PIN4: variants seen among roughly 807,000 people sequenced by gnomAD.
PIN4 encodes peptidylprolyl cis/trans isomerase, NIMA-interacting 4, also known as peptidyl-prolyl cis-trans isomerase NIMA-interacting 4.
PIN4 carries 3 observed loss-of-function variants against 8.3 expected under a neutral mutation model. The observed-to-expected ratio is 0.36, with a 90% CI of 0.16 to 0.93. PIN4 has a LOEUF of 0.93. Ranked by LOEUF, PIN4 falls within the 40% of genes least tolerant of loss-of-function variation. The pLI is 0.44. For missense variants in PIN4, 75 were observed against 100.6 expected (o/e 0.75, Z 1.09); for synonymous variants, 18 against 32.5 (o/e 0.55, Z 1.52).
intron 2 of PIN4, among the ~76,000 whole-genome samples, chrX:72,187,502 A>C (rs1489508869): frequency 8.9e-6 from 1 of 111,904 alleles, no homozygotes; most frequent in Non-Finnish European, 1.9e-5. Flanking sequence ...TTATTTAATA[A>C]AAAAGTAAGA....
chrX:72,208,458 G>C (rs1401958662), intron 3 of PIN4: 2 of 1,209,830 alleles, frequency 1.7e-6, no homozygotes, highest in African/African-American at 1.7e-5. Context: ...GGAAAGCTAT[G>C]CCTTCCTTCT....
At chrX:72,242,237 G>C (rs1228477503) in intron 3 of PIN4, among the ~76,000 whole-genome samples, 1 of 112,493 alleles carries the variant, frequency 8.9e-6, no homozygotes, top group Non-Finnish European at 1.9e-5. Context: ...TAAAGGCCCT[G>C]ATCACCGGGA....
At chrX:72,236,723 C>T (rs1453593001) in intron 3 of PIN4, among the ~76,000 whole-genome samples, 1 of 112,148 alleles carries the variant, frequency 8.9e-6, no homozygotes, top group Non-Finnish European at 1.9e-5. Context: ...CAAAATGACA[C>T]ACAGCAGGCC....
chrX:72,252,243 G>A (rs944810971), intron 3 of PIN4, among the ~76,000 whole-genome samples: 1 of 110,989 alleles, frequency 9.0e-6, no homozygotes, highest in African/African-American at 3.3e-5. Context: ...CAACCTCCTG[G>A]TCTCCAAGCC....
At chrX:72,184,855 A>G (rs1365485341) in intron 1 of PIN4, among the ~76,000 whole-genome samples, 2 of 110,863 alleles carry the variant, frequency 1.8e-5, no homozygotes, top group South Asian at 3.8e-4. Context: ...AAAACTTTTC[A>G]ATGGCGGCCA....
chrX:72,181,987 T>C, intron 1 of PIN4, 159 bp downstream of exon 1: 1 of 479,011 alleles, frequency 2.1e-6, no homozygotes, highest in Non-Finnish European at 3.8e-6. Context: ...TGGGCTACGG[T>C]TCAGGGACCG....
At chrX:72,250,414 C>A (rs2043082221) in intron 3 of PIN4, among the ~76,000 whole-genome samples, 1 of 110,855 alleles carries the variant, frequency 9.0e-6, no homozygotes, top group South Asian at 3.8e-4. Context: ...CTGGGCAACA[C>A]AGTGAGACCC....
chrX:72,241,085 G>T (rs956677183), intron 3 of PIN4, among the ~76,000 whole-genome samples: 9 of 110,975 alleles, frequency 8.1e-5, no homozygotes, highest in African/African-American at 2.9e-4. Flanking sequence ...AAATGAGGTT[G>T]ATGAGGCAGT....
intron 3 of PIN4, among the ~76,000 whole-genome samples, chrX:72,224,968 C>T (rs1405814487): frequency 9.0e-6 from 1 of 110,890 alleles, no homozygotes; most frequent in East Asian, 2.8e-4. Flanking sequence ...ATATTTTAAT[C>T]CCCACCCATT....
At chrX:72,227,259 C>T (rs1289514791) in intron 3 of PIN4, among the ~76,000 whole-genome samples, 1 of 111,793 alleles carries the variant, frequency 8.9e-6, no homozygotes, top group African/African-American at 3.3e-5. Flanking sequence ...TTCAATCCGA[C>T]AATGGTCCTG....
chrX:72,238,948 T>TTTGGAGCTTGGAGCTTGGAGC (rs749542997), intron 3 of PIN4: 204 of 1,113,297 alleles, frequency 1.8e-4, no homozygotes, highest in African/African-American at 1.1e-3. Flanking sequence ...CCGGCGGGAG[T>TTTGGAGCTTGGAGCTTGGAGC]TTGGAGCTTG....
intron 3 of PIN4, among the ~76,000 whole-genome samples, chrX:72,249,574 G>C (rs763659916): frequency 1.3e-4 from 14 of 111,938 alleles, no homozygotes; most frequent in African/African-American, 4.2e-4. Flanking sequence ...CCATACAAGG[G>C]AATACCACTC....
intron 3 of PIN4, among the ~76,000 whole-genome samples, chrX:72,238,620 A>T (rs1253538703): frequency 8.9e-6 from 1 of 112,635 alleles, no homozygotes; most frequent in Non-Finnish European, 1.9e-5. Context: ...ACCATACTGG[A>T]GGGTCATTTG....
Position 72,206,133 on chromosome X carries a change from C to T in PIN4, c.312+9229C>T, listed in dbSNP as rs758115430. On this transcript the variant is annotated intron_variant, in intron 3 of 3. Coordinates refer to the PIN4 transcript ENST00000423432. ...CATCCTTTAGTTGATCTAAATTTGG[C>T]CCAATATCAGCTTTGGTTGATTTGC... is the stretch of plus-strand genomic sequence containing the variant. 8 of 1,209,937 alleles carry T rather than the reference C, an allele frequency of 6.6e-6. No individual in the cohort carries two copies. The Middle Eastern group carries it at 9.1e-4, about 138-fold the overall frequency.
intron 3 of PIN4, among the ~76,000 whole-genome samples, chrX:72,210,542 A>T (rs2042848118): frequency 9.0e-6 from 1 of 111,691 alleles, no homozygotes. Context: ...TAACCTACCC[A>T]GTATCCTGAA....
At chrX:72,230,183 TA>T (rs563210083) in intron 3 of PIN4, among the ~76,000 whole-genome samples, 96 of 101,655 alleles carry the variant, frequency 9.4e-4, no homozygotes, top group African/African-American at 3.0e-3. Flanking sequence ...TCAAAAAAAA[TA>T]AAAAAAAAAA....
At chrX:72,239,232 A>T (rs17302362) in intron 3 of PIN4, among the ~76,000 whole-genome samples, 2 of 111,849 alleles carry the variant, frequency 1.8e-5, no homozygotes, top group South Asian at 7.4e-4. Context: ...GTTTCAATCC[A>T]ATTCAAACCA....
intron 2 of PIN4, among the ~76,000 whole-genome samples, chrX:72,195,857 G>A (rs1036654183): frequency 1.8e-5 from 2 of 110,913 alleles, no homozygotes; most frequent in Admixed American, 9.6e-5. Context: ...GGTGGCTGAC[G>A]CCTGTAATCC....
intron 3 of PIN4, chrX:72,239,144 C>T: frequency 2.6e-6 from 1 of 388,954 alleles, no homozygotes; most frequent in Non-Finnish European, 4.6e-6. Context: ...GGCGCCTGCG[C>T]CTACGCGCGC....
Sources: gnomAD v4.1 joint callset for allele counts (sites outside exome capture counted in the v4.1 genomes callset) on GRCh38, gnomAD v4.1.1 for gene constraint, MANE v1.5 for transcripts, NCBI Gene and HGNC (gene_info 2026-07-23, HGNC 2026-07-21) for gene names.